PEX5L: variants seen among roughly 807,000 people sequenced by gnomAD.
PEX5L encodes peroxisomal biogenesis factor 5 like.
PEX5L carries 30 observed loss-of-function variants against 84.0 expected under a neutral mutation model. The observed-to-expected ratio is 0.36, with a 90% CI of 0.27 to 0.48. The LOEUF is 0.48. PEX5L is among the 20% of genes least tolerant of loss of function. The pLI, the probability that PEX5L is intolerant of heterozygous loss-of-function variation, is 0.99. For synonymous variants in PEX5L, 270 were observed against 283.1 expected (o/e 0.95, Z 0.46); for missense variants, 533 against 754.6 (o/e 0.71, Z 3.44).
intron 11 of PEX5L, among the ~76,000 whole-genome samples, chr3:179,809,964 T>C (rs1250886829): frequency 6.7e-6 from 1 of 149,970 alleles, no homozygotes. Flanking sequence ...TCTAATGAGA[T>C]CTCATGAGAA....
intron 8 of PEX5L, among the ~76,000 whole-genome samples, chr3:179,827,899 A>G (rs1265773988): frequency 1.3e-5 from 2 of 152,182 alleles, no homozygotes; most frequent in African/African-American, 4.8e-5. Flanking sequence ...TTTCTCAACT[A>G]GGCTTCAATC....
chr3:180,001,200 G>A (rs546276272), intron 1 of PEX5L, among the ~76,000 whole-genome samples: 13 of 151,864 alleles, frequency 8.6e-5, no homozygotes, highest in East Asian at 1.9e-4. Context: ...CTTGAACATC[G>A]GACTCCAAGT....
intron 1 of PEX5L, among the ~76,000 whole-genome samples, chr3:179,984,423 T>A (rs1010401197): frequency 6.6e-6 from 1 of 152,188 alleles, no homozygotes; most frequent in African/African-American, 2.4e-5. Context: ...TGGTTACTGC[T>A]ATTTTTCAAT....
chr3:179,941,968 C>G (rs890288569), intron 2 of PEX5L, among the ~76,000 whole-genome samples: 1 of 142,186 alleles, frequency 7.0e-6, no homozygotes, highest in African/African-American at 2.6e-5. Context: ...TTGCAGTGAG[C>G]CCAGATCGCG....
chr3:180,009,358 G>A (rs1019053712), intron 1 of PEX5L, among the ~76,000 whole-genome samples: 4 of 152,064 alleles, frequency 2.6e-5, no homozygotes, highest in Non-Finnish European at 5.9e-5. Flanking sequence ...ATCCCAACCA[G>A]GAATTAACAG....
chr3:179,897,188 T>A (rs1010366026), intron 3 of PEX5L, among the ~76,000 whole-genome samples: 1 of 152,186 alleles, frequency 6.6e-6, no homozygotes, highest in African/African-American at 2.4e-5. Context: ...GATATAAATG[T>A]CTTTCATGAG....
chr3:180,025,857 C>A (rs1016359775), intron 1 of PEX5L, among the ~76,000 whole-genome samples: 5 of 152,150 alleles, frequency 3.3e-5, no homozygotes, highest in African/African-American at 1.2e-4. Context: ...TTATTATATT[C>A]TAAGACCCTT....
intron 2 of PEX5L, among the ~76,000 whole-genome samples, chr3:179,916,431 TA>T (rs954896479): frequency 6.6e-6 from 1 of 151,818 alleles, no homozygotes; most frequent in South Asian, 2.1e-4. Flanking sequence ...ATATAAAAAA[TA>T]AAAAAATGGT....
chr3:179,971,837 G>C (rs1189107225), intron 1 of PEX5L, among the ~76,000 whole-genome samples, 172 bp from the exon 2 acceptor site: 1 of 152,090 alleles, frequency 6.6e-6, no homozygotes, highest in Non-Finnish European at 1.5e-5. Context: ...TTAAACTGCT[G>C]TCTTATAATT....
intron 7 of PEX5L, among the ~76,000 whole-genome samples, chr3:179,860,338 C>T (rs1745597030): frequency 6.6e-6 from 1 of 152,134 alleles, no homozygotes; most frequent in Non-Finnish European, 1.5e-5. Flanking sequence ...TTCCCCGGTC[C>T]CTTTTATTAT....
chr3:179,880,602 T>C (rs1418676038), intron 4 of PEX5L, among the ~76,000 whole-genome samples: 1 of 152,198 alleles, frequency 6.6e-6, no homozygotes, highest in Non-Finnish European at 1.5e-5. Context: ...AATTAAGCAG[T>C]TCAATCAGAA....
chr3:179,833,142 G>A (rs1475562123), intron 8 of PEX5L, among the ~76,000 whole-genome samples: 1 of 152,230 alleles, frequency 6.6e-6, no homozygotes. Flanking sequence ...GGAAGCAATT[G>A]CAGTAATCTG....
At chr3:179,924,080 C>G in intron 2 of PEX5L, among the ~76,000 whole-genome samples, 1 of 152,174 alleles carries the variant, frequency 6.6e-6, no homozygotes, top group East Asian at 1.9e-4. Context: ...AGCTGCCACA[C>G]TGGGAACACT....
chr3:179,977,994 C>T (rs914410566), intron 1 of PEX5L, among the ~76,000 whole-genome samples: 2 of 152,080 alleles, frequency 1.3e-5, no homozygotes, highest in Admixed American at 6.5e-5. Context: ...TCTGAATGTA[C>T]GTTGTTGGGT....
intron 3 of PEX5L, among the ~76,000 whole-genome samples, chr3:179,895,111 C>G (rs1758820758): frequency 6.6e-6 from 1 of 151,768 alleles, no homozygotes; most frequent in South Asian, 2.1e-4. Context: ...TTTTTAGTGG[C>G]TACTTTTAAA....
intron 1 of PEX5L, among the ~76,000 whole-genome samples, chr3:180,001,696 T>C (rs1006787418): frequency 8.5e-5 from 13 of 152,160 alleles, no homozygotes; most frequent in African/African-American, 3.1e-4. Context: ...TTTATGCATA[T>C]GTTTTATACA....
At chr3:179,816,580 C>T (rs1230696477) in intron 9 of PEX5L, among the ~76,000 whole-genome samples, 2 of 151,908 alleles carry the variant, frequency 1.3e-5, no homozygotes. Context: ...CACACTGGGG[C>T]CTGTTGAGGG....
chr3:179,930,360 G>C (rs1345401337), intron 2 of PEX5L, among the ~76,000 whole-genome samples: 2 of 152,106 alleles, frequency 1.3e-5, no homozygotes, highest in Non-Finnish European at 2.9e-5. Context: ...TGTTATATAT[G>C]GAATAACTTC....
intron 14 of PEX5L, among the ~76,000 whole-genome samples, chr3:179,802,551 A>G (rs1481437184): frequency 5.4e-5 from 6 of 110,336 alleles, no homozygotes; most frequent in Middle Eastern, 4.6e-3. Flanking sequence ...AAAAAAAAAA[A>G]AAAGAAAAGA....
Sources: allele counts gnomAD v4.1 joint callset (sites outside exome capture counted in the v4.1 genomes callset), GRCh38; gene constraint gnomAD v4.1.1; transcripts MANE v1.5; gene names NCBI Gene and HGNC (gene_info 2026-07-23, HGNC 2026-07-21).